ACSL3: variants seen among roughly 807,000 people sequenced by gnomAD.
The protein encoded by ACSL3 is acyl-CoA synthetase long chain family member 3, also known as fatty acid CoA ligase Acsl3.
In ACSL3, 34 loss-of-function variants were observed where a neutral mutation model predicts 84.7. The ratio of observed to expected loss-of-function variants is 0.40; its 90% CI spans 0.31 to 0.53. The LOEUF (loss-of-function observed/expected upper bound fraction) is 0.53, where lower values mean the gene tolerates loss of function less well. Among genes scored for constraint, ACSL3 ranks in the 20% least tolerant of loss-of-function variants. The pLI, the probability that ACSL3 is intolerant of heterozygous loss-of-function variation, is 0.48. For missense variants in ACSL3, 680 were observed against 873.1 expected (o/e 0.78, Z 2.79); for synonymous variants, 315 against 299.4 (o/e 1.05, Z -0.54).
chr2:222,909,179 T>C (rs750946235), intron 4 of ACSL3, 29 bp downstream of exon 4: 2 of 1,573,974 alleles, frequency 1.3e-6, no homozygotes, highest in South Asian at 1.2e-5. Context: ...GCCTTTGAAT[T>C]CTTTCGAATA....
intron 7 of ACSL3, among the ~76,000 whole-genome samples, chr2:222,920,319 C>G (rs1696698664): frequency 6.6e-6 from 1 of 152,160 alleles, no homozygotes; most frequent in Admixed American, 6.5e-5. Context: ...TTTAGAAGTT[C>G]ACATGTAGAG....
At chr2:222,878,988 G>A (rs1166467336) in intron 1 of ACSL3, among the ~76,000 whole-genome samples, 2 of 152,034 alleles carry the variant, frequency 1.3e-5, no homozygotes, top group Non-Finnish European at 2.9e-5. Context: ...TATTTTCTGT[G>A]TTGACCCAAG....
chr2:222,926,999 T>G lies in ACSL3; in HGVS notation c.1293-18T>G. On this transcript the variant is annotated intron_variant, in intron 11 of 16. Coordinates refer to ENST00000357430, the MANE Select transcript of ACSL3 (RefSeq NM_004457.5). The stretch of plus-strand genomic sequence containing the variant: ...ATTCAGTTTTAAAATCCTGTGGTTC[T>G]CTAATTTTTTTCTTTAGCTTTGTTT... 6.2e-7 allele frequency: 1 copy of G among 1,607,168 alleles called. No homozygotes were observed. Among genetic ancestry groups the G allele is most frequent in the Non-Finnish European group, 8.5e-7 (1 of 1,174,658 alleles).
At chr2:222,868,544 A>G (rs957061787) in intron 1 of ACSL3, among the ~76,000 whole-genome samples, 1 of 152,158 alleles carries the variant, frequency 6.6e-6, no homozygotes, top group Non-Finnish European at 1.5e-5. Flanking sequence ...GCCTCAAGGA[A>G]ATGTGTGATG....
At chr2:222,871,102 G>C (rs146771529) in intron 1 of ACSL3, among the ~76,000 whole-genome samples, 1 of 152,152 alleles carries the variant, frequency 6.6e-6, no homozygotes, top group Non-Finnish European at 1.5e-5. Context: ...GGAGGCAGGG[G>C]ATGACAGAGG....
At chr2:222,931,040 C>T (rs545917419) in intron 14 of ACSL3, among the ~76,000 whole-genome samples, 2 of 152,230 alleles carry the variant, frequency 1.3e-5, no homozygotes, top group South Asian at 4.1e-4. Flanking sequence ...TTAAATTACT[C>T]TTAGATAACC....
intron 2 of ACSL3, among the ~76,000 whole-genome samples, chr2:222,890,473 C>T (rs887579379): frequency 9.2e-5 from 14 of 152,174 alleles, no homozygotes; most frequent in Non-Finnish European, 1.8e-4. Flanking sequence ...TAAACATAAC[C>T]GGAAGAGCTG....
chr2:222,873,938 C>T (rs1695373515), intron 1 of ACSL3, among the ~76,000 whole-genome samples: 2 of 152,226 alleles, frequency 1.3e-5, no homozygotes, highest in Admixed American at 6.5e-5. Context: ...ATTACAATTG[C>T]TTCCCAGAGA....
chr2:222,923,154 G>C lies in ACSL3; in HGVS notation c.1152+5G>C, dbSNP rs1201918594. ...ACACTGATGGCAGCAGTTCCGGTAAGAAGTGACCCTTATTTAATATTGAGT... is the reference window on the plus strand; with the variant it reads ...ACACTGATGGCAGCAGTTCCGGTAACAAGTGACCCTTATTTAATATTGAGT... On this transcript the variant is annotated splice_donor_5th_base_variant and intron_variant, in intron 10 of 16. Coordinates refer to ENST00000357430, the MANE Select transcript of ACSL3 (RefSeq NM_004457.5). 1 of 1,611,082 alleles carries C rather than the reference G, an allele frequency of 6.2e-7. No homozygotes were observed. Among genetic ancestry groups the C allele is most frequent in the East Asian group, 2.2e-5 (1 of 44,832 alleles).
chr2:222,864,075 A>G (rs754380367), intron 1 of ACSL3, among the ~76,000 whole-genome samples: 3 of 152,196 alleles, frequency 2.0e-5, no homozygotes, highest in Admixed American at 2.0e-4. Context: ...AATTGTCAGG[A>G]TATGGTGATA....
At chr2:222,869,428 C>T (rs62187229) in intron 1 of ACSL3, among the ~76,000 whole-genome samples, 13,602 of 152,196 alleles carry the variant, frequency 0.089, 728 homozygotes, top group Non-Finnish European at 0.12. Context: ...TATCCCTTCT[C>T]TGCCCTTCAC....
intron 1 of ACSL3, among the ~76,000 whole-genome samples, chr2:222,876,520 C>T (rs1042840152): frequency 6.6e-6 from 1 of 151,994 alleles, no homozygotes; most frequent in Non-Finnish European, 1.5e-5. Flanking sequence ...GACACTAGAT[C>T]TATTTTGTCC....
intron 4 of ACSL3, 72 bp downstream of exon 4, chr2:222,909,222 G>A (rs1696377839): frequency 7.0e-7 from 1 of 1,434,222 alleles, no homozygotes; most frequent in Admixed American, 2.3e-5. Flanking sequence ...TAAAGGGCAA[G>A]CACAGCCTGC....
intron 4 of ACSL3, among the ~76,000 whole-genome samples, chr2:222,916,082 A>G (rs1244058014): frequency 6.6e-6 from 1 of 152,210 alleles, no homozygotes; most frequent in East Asian, 1.9e-4. Context: ...AACCAAAAAT[A>G]AAGCCAAAAA....
Position 222,918,063 on chromosome 2 carries a change from A to C in ACSL3, c.574A>C (p.Thr192Pro), listed in dbSNP as rs1007517794. Residue 192 changes from threonine to proline, a missense_variant, in exon 6 of 17, where the codon ACT becomes CCT. Thr to Pro is a conservative substitution (Grantham distance 38, BLOSUM62 -1). Transcript: ENST00000357430. ...CCTTTTAGTTGTTACATTATATGCC[A>C]CTCTAGGAGGTCCAGCCATTGTTCA... is the stretch of plus-strand genomic sequence containing the variant. The part of the protein sequence containing the change: ...YNFQLVTLYA[T>P]LGGPAIVHAL... The C allele has an allele frequency of 1.9e-6, 3 of 1,611,366 alleles. No individual in the cohort carries two copies. Among genetic ancestry groups the C allele is most frequent in the Non-Finnish European group, 2.5e-6 (3 of 1,178,428 alleles).
At chr2:222,869,536 G>A (rs1192805571) in intron 1 of ACSL3, among the ~76,000 whole-genome samples, 1 of 152,188 alleles carries the variant, frequency 6.6e-6, no homozygotes, top group Non-Finnish European at 1.5e-5. Flanking sequence ...AGGGGACTAG[G>A]AAATGTTAAT....
chr2:222,864,573 A>C (rs1302920679), intron 1 of ACSL3, among the ~76,000 whole-genome samples: 1 of 152,244 alleles, frequency 6.6e-6, no homozygotes, highest in Admixed American at 6.5e-5. Context: ...ATTTAGCAAC[A>C]TGGAGGTCAC....
intron 7 of ACSL3, among the ~76,000 whole-genome samples, chr2:222,919,781 TAGA>T (rs1696682897): frequency 6.6e-6 from 1 of 152,216 alleles, no homozygotes; most frequent in African/African-American, 2.4e-5. Flanking sequence ...ACCTAGTAAT[TAGA>T]TGTAAGCATT....
At chr2:222,939,623 A>T (rs537548295) in intron 16 of ACSL3, among the ~76,000 whole-genome samples, 1 of 152,090 alleles carries the variant, frequency 6.6e-6, no homozygotes, top group South Asian at 2.1e-4. Context: ...CCTCTTAGGG[A>T]TTTCTTCCCT....
Sources: allele counts gnomAD v4.1 joint callset (sites outside exome capture counted in the v4.1 genomes callset), GRCh38; gene constraint gnomAD v4.1.1; transcripts MANE v1.5; gene names NCBI Gene and HGNC (gene_info 2026-07-23, HGNC 2026-07-21).